BCAT1: variants seen among roughly 807,000 people sequenced by gnomAD.
BCAT1 encodes branched-chain-amino-acid aminotransferase, cytosolic.
Under a neutral mutation model 52.4 loss-of-function variants are expected in BCAT1, and 48 were observed. The observed-to-expected ratio is 0.92, with a 90% confidence interval of 0.73 to 1.16. BCAT1 has a LOEUF of 1.16. Ranked by LOEUF, BCAT1 falls within the 50% of genes most tolerant of loss-of-function variation. BCAT1 has a pLI of 0.00. For synonymous variants in BCAT1, 167 were observed against 161.3 expected (o/e 1.04, Z -0.27); for missense variants, 451 against 457.1 (o/e 0.99, Z 0.12).
At chr12:24,849,603 G>A (rs2139463457) in intron 6 of BCAT1, among the ~76,000 whole-genome samples, 183 bp downstream of exon 6, 1 of 152,302 alleles carries the variant, frequency 6.6e-6, no homozygotes, top group Admixed American at 6.5e-5. Context: ...AATTCATACT[G>A]CGTTTATATA....
chr12:24,917,240 G>A (rs1287991353), intron 1 of BCAT1, among the ~76,000 whole-genome samples: 2 of 141,036 alleles, frequency 1.4e-5, no homozygotes, highest in Non-Finnish European at 3.0e-5. Flanking sequence ...GTGCAGTGGC[G>A]CGATCTCGGC....
chr12:24,943,948 T>G (rs192581264), intron 1 of BCAT1, among the ~76,000 whole-genome samples: 4 of 151,594 alleles, frequency 2.6e-5, no homozygotes, highest in Non-Finnish European at 5.9e-5. Flanking sequence ...CGCACCACTG[T>G]ACTCCAGCCT....
intron 10 of BCAT1, among the ~76,000 whole-genome samples, chr12:24,824,279 C>CTTCCTTCCTTCCTTCT (rs1940289370): frequency 6.8e-6 from 1 of 147,286 alleles, no homozygotes; most frequent in African/African-American, 2.5e-5. Context: ...TCCCTCCCTC[C>CTTCCTTCCTTCCTTCT]CTCCCTCCCT....
At chr12:24,850,035 C>A in intron 5 of BCAT1, 86 bp from the exon 6 acceptor site, 1 of 1,230,712 alleles carries the variant, frequency 8.1e-7, no homozygotes, top group East Asian at 2.6e-5. Context: ...ATCTGTCTCC[C>A]AGAAGAAGCC....
chr12:24,864,209 C>A (rs1941937201), intron 5 of BCAT1, among the ~76,000 whole-genome samples: 1 of 152,090 alleles, frequency 6.6e-6, no homozygotes, highest in South Asian at 2.1e-4. Context: ...TATTATCGCA[C>A]CAGGAATGAC....
intron 3 of BCAT1, among the ~76,000 whole-genome samples, chr12:24,892,012 C>G (rs2139645473): frequency 6.6e-6 from 1 of 152,106 alleles, no homozygotes; most frequent in African/African-American, 2.4e-5. Context: ...CCGCCTTGGC[C>G]TCCCAAAGTG....
At chr12:24,827,062 T>C (rs1940435285) in intron 10 of BCAT1, among the ~76,000 whole-genome samples, 1 of 152,196 alleles carries the variant, frequency 6.6e-6, no homozygotes, top group Non-Finnish European at 1.5e-5. Flanking sequence ...TTTCTAGGTG[T>C]AAGATAATGT....
chr12:24,818,724 T>C (rs1367457313), intron 10 of BCAT1, among the ~76,000 whole-genome samples: 1 of 152,242 alleles, frequency 6.6e-6, no homozygotes. Flanking sequence ...AAAAGTTATG[T>C]AACTGTATCA....
intron 1 of BCAT1, chr12:24,902,110 G>A: frequency 6.8e-7 from 1 of 1,465,330 alleles, no homozygotes; most frequent in East Asian, 2.5e-5. Flanking sequence ...GGCGGTTTTT[G>A]TCCTCCTCCG....
chr12:24,905,585 T>C (rs567664702), intron 1 of BCAT1, among the ~76,000 whole-genome samples: 3 of 152,328 alleles, frequency 2.0e-5, no homozygotes, highest in African/African-American at 7.2e-5. Context: ...CAGTTTTCCA[T>C]TGAAGTACAA....
At position 24,880,866 on chromosome 12, in the gene BCAT1, C is replaced by T. The variant is rs192803127; in HGVS notation, c.390+435G>A. 2.0e-5 allele frequency among the ~76,000 whole-genome samples: 3 copies of T among 147,698 alleles called. No individual in the cohort carries two copies. The East Asian group carries it at 6.0e-4, about 29-fold the overall frequency. On this transcript the variant is annotated intron_variant, in intron 4 of 10. Coordinates refer to ENST00000261192, the MANE Select transcript of BCAT1 (RefSeq NM_005504.7). ...TTTGTTTTTTTTTTTTACAGAGTCT[C>T]ACTTTGCGGCTTAGGCTGGAGGGCA... is the stretch of plus-strand genomic sequence containing the variant.
chr12:24,895,454 A>G (rs1942937850), intron 2 of BCAT1, among the ~76,000 whole-genome samples: 1 of 151,192 alleles, frequency 6.6e-6, no homozygotes, highest in Admixed American at 6.6e-5. Flanking sequence ...TGAACCCGGG[A>G]GGCGGAGGTT....
At chr12:24,820,875 C>T (rs1010154060) in intron 10 of BCAT1, among the ~76,000 whole-genome samples, 6 of 152,128 alleles carry the variant, frequency 3.9e-5, no homozygotes, top group South Asian at 2.1e-4. Flanking sequence ...GCACAACCTG[C>T]ATGTCATGCA....
intron 5 of BCAT1, among the ~76,000 whole-genome samples, chr12:24,851,993 G>A (rs1234428882): frequency 2.6e-5 from 4 of 152,156 alleles, no homozygotes; most frequent in Non-Finnish European, 5.9e-5. Flanking sequence ...GAGGGGCCCA[G>A]TGTGAGATGA....
In BCAT1 at chr12:24,921,056, C is replaced by T. The variant is rs551972929; in HGVS notation, c.7-19171G>A. 2.0e-5 allele frequency among the ~76,000 whole-genome samples: 3 copies of T among 152,172 alleles called. No individual in the cohort carries two copies. The South Asian group carries it at 6.2e-4, about 32-fold the overall frequency. ...TTGCTTACCTTCCCGTGACCCTCCA[C>T]GTGTTCAGCACAGGAGGCTCACGGG... is the stretch of plus-strand genomic sequence containing the variant. On this transcript the variant is annotated intron_variant, in intron 1 of 10. Transcript: ENST00000261192.
intron 1 of BCAT1, among the ~76,000 whole-genome samples, chr12:24,932,858 C>T (rs1943695898): frequency 6.6e-6 from 1 of 152,100 alleles, no homozygotes; most frequent in South Asian, 2.1e-4. Flanking sequence ...GTCGCCCAGG[C>T]TGGAGTGCAG....
intron 1 of BCAT1, chr12:24,903,130 G>A: frequency 7.6e-7 from 1 of 1,318,758 alleles, no homozygotes; most frequent in Non-Finnish European, 9.6e-7. Flanking sequence ...CGCGCGCCAG[G>A]GCCAGGCGCA....
intron 5 of BCAT1, among the ~76,000 whole-genome samples, chr12:24,852,961 T>TAAG (rs1165895381): frequency 2.0e-5 from 3 of 152,192 alleles, no homozygotes; most frequent in Non-Finnish European, 4.4e-5. Context: ...AGACAATGAA[T>TAAG]AAGATCTAAC....
At position 24,948,974 on chromosome 12, in the gene BCAT1, C is replaced by A. The variant is rs1236369444; in HGVS notation, c.-42G>T. The stretch of plus-strand genomic sequence containing the variant: ...AGGGAAGCTCGAGCTGAGCGGAGGG[C>A]AGATCCCAAGGGTCGTAGCCCCTGG... On this transcript the variant is annotated 5_prime_UTR_variant, in exon 1 of 11. Transcript: ENST00000261192. 1 of 1,582,630 alleles carries A rather than the reference C, an allele frequency of 6.3e-7. No homozygotes were observed. The highest frequency in any genetic ancestry group is 2.3e-5 in the East Asian group (1 of 43,480).
Sources: allele counts gnomAD v4.1 joint callset (sites outside exome capture counted in the v4.1 genomes callset), GRCh38; gene constraint gnomAD v4.1.1; transcripts MANE v1.5; gene names NCBI Gene and HGNC (gene_info 2026-07-23, HGNC 2026-07-21).